The following SDK1 variants were observed in gnomAD, a reference collection of about 807,000 sequenced individuals.
SDK1 encodes sidekick cell adhesion molecule 1, also known as protein sidekick-1.
In SDK1, 157 loss-of-function variants were observed where a neutral mutation model predicts 245.5. The observed-to-expected ratio is 0.64, with a 90% CI of 0.56 to 0.73. The LOEUF (loss-of-function observed/expected upper bound fraction) is 0.73. SDK1 is among the 30% of genes least tolerant of loss of function. The pLI is 0.00. For synonymous variants in SDK1, 1,647 were observed against 1,278.5 expected (o/e 1.29, Z -6.15); for missense variants, 3,583 against 3,002.3 (o/e 1.19, Z -4.52).
intron 5 of SDK1, among the ~76,000 whole-genome samples, chr7:3,928,430 ATAT>A (rs1779853679): frequency 6.6e-6 from 1 of 152,226 alleles, no homozygotes; most frequent in Non-Finnish European, 1.5e-5. Context: ...ACACGTACAA[ATAT>A]TATTTGATGG....
chr7:3,629,453 C>A (rs960745632), intron 2 of SDK1, among the ~76,000 whole-genome samples: 1 of 152,144 alleles, frequency 6.6e-6, no homozygotes, highest in Non-Finnish European at 1.5e-5. Flanking sequence ...AAAGGACTAT[C>A]CAAGAAGATT....
chr7:4,172,693 G>A (rs1427277462), intron 32 of SDK1, among the ~76,000 whole-genome samples: 1 of 152,076 alleles, frequency 6.6e-6, no homozygotes, highest in Non-Finnish European at 1.5e-5. Flanking sequence ...TCAAGGTGTC[G>A]GCAGGGTCCT....
At chr7:3,911,405 A>G (rs553607896) in intron 5 of SDK1, among the ~76,000 whole-genome samples, 1 of 152,144 alleles carries the variant, frequency 6.6e-6, no homozygotes, top group South Asian at 2.1e-4. Context: ...GAGGCTGTGA[A>G]GTCCAAGACC....
chr7:3,824,683 G>C (rs985900396), intron 5 of SDK1, among the ~76,000 whole-genome samples: 3 of 152,170 alleles, frequency 2.0e-5, no homozygotes, highest in Non-Finnish European at 4.4e-5. Flanking sequence ...CCTTGTACTT[G>C]AGAGTTCAAA....
In SDK1 at chr7:4,208,242, T is replaced by C. The variant is rs752741075; in HGVS notation, c.5358T>C (p.Asp1786=). The change falls in exon 37 of 45, where the codon GAT becomes GAC. Residue 1786 remains aspartate, a synonymous_variant. Transcript: ENST00000404826. Reference sequence around the variant, plus strand: ...TATCAGCCTTCAACGCCGCCGGAGATGGACCTAAGAGTGACCCCCAGCAGG... The same window carrying C: ...TATCAGCCTTCAACGCCGCCGGAGACGGACCTAAGAGTGACCCCCAGCAGG... The part of the protein sequence containing the change: ...VSISAFNAAG[D]GPKSDPQQGR... 1 of 1,613,962 alleles carries C rather than the reference T, an allele frequency of 6.2e-7. No individual in the cohort carries two copies. Among genetic ancestry groups the C allele is most frequent in the African/African-American group, 1.3e-5 (1 of 75,048 alleles).
At chr7:3,373,474 AAG>A (rs1265868188) in intron 1 of SDK1, among the ~76,000 whole-genome samples, 1 of 152,194 alleles carries the variant, frequency 6.6e-6, no homozygotes, top group Non-Finnish European at 1.5e-5. Flanking sequence ...CCCTTCTAAA[AAG>A]AAAATCCCTT....
chr7:3,462,805 T>A (rs1334295582), intron 1 of SDK1, among the ~76,000 whole-genome samples: 1 of 152,220 alleles, frequency 6.6e-6, no homozygotes, highest in African/African-American at 2.4e-5. Flanking sequence ...CTGTAGTAGA[T>A]GTAGTCTCAT....
rs377734974 is a variant in SDK1 at position 3,481,397 on chromosome 7, T to G, written c.299-137683T>G. On this transcript the variant is annotated intron_variant, in intron 1 of 44. Coordinates refer to ENST00000404826, the MANE Select transcript of SDK1 (RefSeq NM_152744.4). ...TGTGATAGATTTAAAAAAGGCAGAA[T>G]TGTCAGTCAAGGATGTGCCGATGTC... is the stretch of plus-strand genomic sequence containing the variant. Among the ~76,000 whole-genome samples, 10 of 152,304 alleles carry G rather than the reference T, an allele frequency of 6.6e-5. No homozygotes were observed. In the South Asian group the frequency reaches 2.1e-3, roughly 32 times the overall value.
chr7:4,202,016 G>A (rs899894995), intron 35 of SDK1, among the ~76,000 whole-genome samples: 1 of 152,134 alleles, frequency 6.6e-6, no homozygotes, highest in East Asian at 1.9e-4. Flanking sequence ...ATAGTCAGCA[G>A]TGCCCTTGCT....
chr7:3,705,298 T>C (rs1317461998), intron 4 of SDK1, among the ~76,000 whole-genome samples: 1 of 152,070 alleles, frequency 6.6e-6, no homozygotes, highest in African/African-American at 2.4e-5. Context: ...ATTTTCATGA[T>C]ACTGATTCTT....
chr7:3,521,628 G>A (rs932179406), intron 1 of SDK1, among the ~76,000 whole-genome samples: 5 of 152,172 alleles, frequency 3.3e-5, no homozygotes, highest in Admixed American at 2.6e-4. Context: ...GAGGAAGCAC[G>A]TGAATTTCGC....
chr7:4,101,641 G>A (rs1407630558), intron 22 of SDK1, among the ~76,000 whole-genome samples: 2 of 152,174 alleles, frequency 1.3e-5, no homozygotes, highest in South Asian at 2.1e-4. Flanking sequence ...CGATGGTGTC[G>A]TGACCAGAAA....
intron 4 of SDK1, among the ~76,000 whole-genome samples, chr7:3,746,082 C>G (rs954093700): frequency 5.9e-5 from 9 of 152,134 alleles, no homozygotes; most frequent in Non-Finnish European, 1.2e-4. Context: ...ACAGGCATAC[C>G]TCTAAGATAT....
intron 17 of SDK1, among the ~76,000 whole-genome samples, chr7:4,024,866 G>C (rs1390330075): frequency 1.3e-5 from 2 of 150,414 alleles, no homozygotes; most frequent in African/African-American, 5.0e-5. Context: ...ATCAGCCCTG[G>C]TGAAAAATGA....
chr7:3,820,898 G>A (rs1779627808), intron 4 of SDK1, among the ~76,000 whole-genome samples: 1 of 152,244 alleles, frequency 6.6e-6, no homozygotes, highest in Non-Finnish European at 1.5e-5. Context: ...AGGTGAAAAA[G>A]ACGTGGCCTG....
chr7:4,068,643 G>C lies in SDK1; in HGVS notation c.3010+707G>C, dbSNP rs576582465. On this transcript the variant is annotated intron_variant, in intron 20 of 44. Transcript: ENST00000404826. ...GCTGAGCCTTAGAGGCCCCTGGGCA[G>C]TGAGATCTCCTCTCCTGGTTTGAGG... is the stretch of plus-strand genomic sequence containing the variant. Among the ~76,000 whole-genome samples, 13 of 152,190 alleles carry C rather than the reference G, an allele frequency of 8.5e-5. No homozygotes were observed. The South Asian group carries it at 1.7e-3, about 20-fold the overall frequency.
At chr7:3,769,189 C>T (rs1375356882) in intron 4 of SDK1, among the ~76,000 whole-genome samples, 1 of 152,138 alleles carries the variant, frequency 6.6e-6, no homozygotes, top group Non-Finnish European at 1.5e-5. Flanking sequence ...TGTCTTTGTC[C>T]ATTTCCTGTT....
chr7:3,390,176 C>G lies in SDK1; in HGVS notation c.298+88292C>G, dbSNP rs985482943. 2.0e-5 allele frequency among the ~76,000 whole-genome samples: 3 copies of G among 152,264 alleles called. No individual in the cohort carries two copies. In the South Asian group the frequency reaches 6.2e-4, roughly 32 times the overall value. ...TTATAGTAAAATGTGAGAAGAAATTCTAACTGTGGTCTGCAGCTTCAGCTT... is the reference window on the plus strand; with the variant it reads ...TTATAGTAAAATGTGAGAAGAAATTGTAACTGTGGTCTGCAGCTTCAGCTT... On this transcript the variant is annotated intron_variant, in intron 1 of 44. Transcript: ENST00000404826.
chr7:3,764,191 A>T (rs180728137), intron 4 of SDK1, among the ~76,000 whole-genome samples: 1 of 152,182 alleles, frequency 6.6e-6, no homozygotes, highest in East Asian at 1.9e-4. Flanking sequence ...TTCAGATGCT[A>T]CAGTAATTTC....
Sources: gnomAD v4.1 joint callset for allele counts (sites outside exome capture counted in the v4.1 genomes callset) on GRCh38, gnomAD v4.1.1 for gene constraint, MANE v1.5 for transcripts, NCBI Gene and HGNC (gene_info 2026-07-23, HGNC 2026-07-21) for gene names.